Variants in CNTN5 observed in about 807,000 individuals in gnomAD.
The protein encoded by CNTN5 is contactin 5, also known as contactin-5.
CNTN5 carries 77 observed loss-of-function variants against 129.1 expected under a neutral mutation model. The observed-to-expected ratio is 0.60, with a 90% confidence interval of 0.50 to 0.72. The LOEUF (loss-of-function observed/expected upper bound fraction) is 0.72. Ranked by LOEUF, CNTN5 falls within the 30% of genes least tolerant of loss-of-function variation. The probability of loss-of-function intolerance (pLI) is 0.00; values close to 1 mark genes in which losing one functional copy is unlikely to be tolerated. For synonymous variants in CNTN5, 509 were observed against 465.6 expected, an observed-to-expected ratio of 1.09 and a Z score of -1.20; for missense variants, 1,478 against 1,328.8, an observed-to-expected ratio of 1.11 and a Z score of -1.75.
At chr11:99,426,484 A>G (rs1401827623) in intron 2 of CNTN5, among the ~76,000 whole-genome samples, 1 of 152,230 alleles carries the variant, frequency 6.6e-6, no homozygotes, top group Non-Finnish European at 1.5e-5. Context: ...TTAAATTTTA[A>G]TCATCTTGAC....
At chr11:100,214,085 T>C (rs1949089940) in intron 15 of CNTN5, among the ~76,000 whole-genome samples, 1 of 152,120 alleles carries the variant, frequency 6.6e-6, no homozygotes, top group African/African-American at 2.4e-5. Context: ...TAAACTTGAA[T>C]TGTGAAAAAG....
intron 2 of CNTN5, among the ~76,000 whole-genome samples, chr11:99,461,486 T>TA (rs897271302): frequency 4.6e-5 from 7 of 152,102 alleles, no homozygotes; most frequent in South Asian, 2.1e-4. Context: ...CTAATTCACC[T>TA]AAAAAAAATC....
At chr11:99,838,018 T>C (rs2081224712) in intron 4 of CNTN5, among the ~76,000 whole-genome samples, 1 of 152,166 alleles carries the variant, frequency 6.6e-6, no homozygotes, top group Non-Finnish European at 1.5e-5. Context: ...TCAATTTCTA[T>C]AAGTTAAATA....
chr11:99,707,797 G>A (rs1954816655), intron 3 of CNTN5, among the ~76,000 whole-genome samples: 1 of 151,480 alleles, frequency 6.6e-6, no homozygotes, highest in South Asian at 2.1e-4. Flanking sequence ...TAATCTCTCA[G>A]CAATCATACC....
Position 100,125,491 on chromosome 11 carries a change from G to A in CNTN5, c.1580+51197G>A, listed in dbSNP as rs566440898. Among the ~76,000 whole-genome samples the A allele has an allele frequency of 1.7e-4, 26 of 152,062 alleles. 1 individual carries two copies. In the South Asian group the frequency reaches 5.2e-3, roughly 30 times the overall value. On this transcript the variant is annotated intron_variant, in intron 13 of 24. Transcript: ENST00000524871. ...AGCTCCACCTTGCCACAAAGCACATGATTTCATTCTTTTTTATGGCTGTGT... is the reference window on the plus strand; with the variant it reads ...AGCTCCACCTTGCCACAAAGCACATAATTTCATTCTTTTTTATGGCTGTGT...
intron 1 of CNTN5, among the ~76,000 whole-genome samples, chr11:99,282,506 G>A (rs528809043): frequency 5.3e-5 from 8 of 152,088 alleles, no homozygotes; most frequent in Admixed American, 2.0e-4. Flanking sequence ...GTGAGAGAGC[G>A]TGCACTGGTT....
intron 9 of CNTN5, among the ~76,000 whole-genome samples, chr11:100,030,736 C>A (rs1010645299): frequency 6.6e-6 from 1 of 152,084 alleles, no homozygotes; most frequent in Non-Finnish European, 1.5e-5. Context: ...TTTCAGTTTA[C>A]TTACTTATAA....
intron 7 of CNTN5, among the ~76,000 whole-genome samples, chr11:99,944,211 A>G (rs1475950567): frequency 2.6e-5 from 4 of 152,094 alleles, no homozygotes; most frequent in Non-Finnish European, 5.9e-5. Context: ...CTAAATGCCC[A>G]TATGAGAAAG....
At chr11:99,671,153 T>C (rs1448219378) in intron 3 of CNTN5, among the ~76,000 whole-genome samples, 2 of 152,066 alleles carry the variant, frequency 1.3e-5, no homozygotes, top group Admixed American at 1.3e-4. Flanking sequence ...ATTGAGTTTT[T>C]TTTTTTTTAT....
intron 8 of CNTN5, among the ~76,000 whole-genome samples, chr11:99,992,116 T>G (rs965222004): frequency 1.1e-4 from 17 of 152,204 alleles, no homozygotes; most frequent in African/African-American, 4.1e-4. Context: ...ACCCATTATT[T>G]AGACATACGA....
chr11:99,642,289 T>G (rs117238703), intron 3 of CNTN5, among the ~76,000 whole-genome samples: 2,897 of 152,274 alleles, frequency 0.019, 34 homozygotes, highest in Middle Eastern at 0.058. Context: ...GATTCTACAG[T>G]GGTATTCTGT....
At chr11:99,143,181 A>C (rs1167834933) in intron 1 of CNTN5, among the ~76,000 whole-genome samples, 1 of 151,956 alleles carries the variant, frequency 6.6e-6, no homozygotes, top group African/African-American at 2.4e-5. Flanking sequence ...CAAGCAAACA[A>C]AAAAACAAAG....
At chr11:99,036,600 T>C (rs2135117970) in intron 1 of CNTN5, among the ~76,000 whole-genome samples, 1 of 152,250 alleles carries the variant, frequency 6.6e-6, no homozygotes, top group South Asian at 2.1e-4. Flanking sequence ...TGAAGTAGTA[T>C]TGCTAGGTCA....
chr11:99,500,665 A>G (rs983114497), intron 2 of CNTN5, among the ~76,000 whole-genome samples: 2 of 152,098 alleles, frequency 1.3e-5, no homozygotes, highest in African/African-American at 4.8e-5. Flanking sequence ...GTATTCCATG[A>G]ATTGTATATA....
At chr11:99,630,566 G>A (rs997507020) in intron 3 of CNTN5, among the ~76,000 whole-genome samples, 2 of 139,202 alleles carry the variant, frequency 1.4e-5, no homozygotes, top group African/African-American at 2.6e-5. Flanking sequence ...GGCCACATGT[G>A]ATAAAGAACA....
At chr11:99,778,488 T>C (rs770063365) in intron 3 of CNTN5, among the ~76,000 whole-genome samples, 2 of 151,886 alleles carry the variant, frequency 1.3e-5, no homozygotes, top group Non-Finnish European at 2.9e-5. Context: ...ATAAAAGCTC[T>C]TATTCCTCTA....
chr11:99,835,628 G>A (rs759052714), intron 4 of CNTN5, among the ~76,000 whole-genome samples: 1 of 152,118 alleles, frequency 6.6e-6, no homozygotes, highest in African/African-American at 2.4e-5. Context: ...CCTTCTAGAA[G>A]GGTTAACATA....
intron 6 of CNTN5, among the ~76,000 whole-genome samples, chr11:99,904,848 A>T (rs930799647): frequency 6.6e-6 from 1 of 152,086 alleles, no homozygotes; most frequent in Non-Finnish European, 1.5e-5. Flanking sequence ...ATGGCATGAG[A>T]TGGTATCTCT....
At chr11:99,521,504 T>C (rs1947274914) in intron 2 of CNTN5, among the ~76,000 whole-genome samples, 1 of 152,226 alleles carries the variant, frequency 6.6e-6, no homozygotes. Context: ...AACATTATAA[T>C]AATTGCATTC....
Sources: gnomAD v4.1 joint callset for allele counts (sites outside exome capture counted in the v4.1 genomes callset) on GRCh38, gnomAD v4.1.1 for gene constraint, MANE v1.5 for transcripts, NCBI Gene and HGNC (gene_info 2026-07-23, HGNC 2026-07-21) for gene names.